The following CNTNAP5 variants were observed in gnomAD, a reference collection of about 807,000 sequenced individuals.
CNTNAP5 encodes contactin associated protein family member 5.
CNTNAP5 carries 72 observed loss-of-function variants against 150.2 expected under a neutral mutation model. The observed-to-expected ratio is 0.48, with a 90% CI of 0.40 to 0.58. CNTNAP5 has a LOEUF of 0.58. CNTNAP5 is among the 20% of genes least tolerant of loss of function. The pLI, the probability that CNTNAP5 is intolerant of heterozygous loss-of-function variation, is 0.00. For synonymous variants in CNTNAP5, 672 were observed against 619.8 expected (o/e 1.08, Z -1.25); for missense variants, 1,636 against 1,626.2 (o/e 1.01, Z -0.10).
chr2:124,693,152 G>A lies in CNTNAP5; in HGVS notation c.2077+45194G>A, dbSNP rs537618933. On this transcript the variant is annotated intron_variant, in intron 13 of 23. Transcript: ENST00000682447. ...TTGGCTTCACTATTTTTTTTTCCCC[G>A]TTTGGGCCTGGACCAAGTGCTTTAA... Among the ~76,000 whole-genome samples the A allele has an allele frequency of 3.2e-4, 48 of 151,868 alleles. 1 individual carries two copies. In the South Asian group the frequency reaches 9.1e-3, roughly 29 times the overall value.
Position 124,865,396 on chromosome 2 carries a change from A to C in CNTNAP5, c.3308A>C (p.His1103Pro). 1 of 1,553,060 alleles carries C rather than the reference A, an allele frequency of 6.4e-7. No homozygotes were observed. Residue 1103 changes from histidine to proline, a missense_variant, in exon 20 of 24, where the codon CAC becomes CCC. Coordinates refer to ENST00000682447, the MANE Select transcript of CNTNAP5 (RefSeq NM_001367498.1). ...AACTTTGCTAACAGAAGGATGCACC[A>C]CTTGAAGATTAACCGAGAGGGAAGA... ...ADNFANRRMH[H>P]LKINREGREL...
intron 17 of CNTNAP5, among the ~76,000 whole-genome samples, chr2:124,786,140 TGGTCCCAGCTACTCG>T (rs1681562250): frequency 6.6e-6 from 1 of 151,736 alleles, no homozygotes; most frequent in African/African-American, 2.4e-5. Context: ...TGTGTGCTTT[TGGTCCCAGCTACTCG>T]GTAGGCTGAG....
At chr2:124,099,614 T>C (rs1683018508) in intron 1 of CNTNAP5, among the ~76,000 whole-genome samples, 1 of 152,122 alleles carries the variant, frequency 6.6e-6, no homozygotes, top group Non-Finnish European at 1.5e-5. Flanking sequence ...CATAAAGAAA[T>C]ATCTGAAACT....
intron 1 of CNTNAP5, among the ~76,000 whole-genome samples, chr2:124,158,259 A>G (rs1684591449): frequency 6.6e-6 from 1 of 152,212 alleles, no homozygotes; most frequent in Non-Finnish European, 1.5e-5. Flanking sequence ...TGATGAGATA[A>G]TGTACAATGC....
intron 1 of CNTNAP5, among the ~76,000 whole-genome samples, chr2:124,104,131 A>G (rs996168615): frequency 1.3e-5 from 2 of 150,998 alleles, no homozygotes; most frequent in East Asian, 3.9e-4. Context: ...TCATTTCTCA[A>G]CTTTCCTATA....
chr2:124,370,379 A>G (rs1690494536), intron 3 of CNTNAP5, among the ~76,000 whole-genome samples: 1 of 152,090 alleles, frequency 6.6e-6, no homozygotes, highest in Non-Finnish European at 1.5e-5. Flanking sequence ...AAAGCCGGTC[A>G]TATACTTGGG....
At chr2:124,064,183 G>T (rs1682093684) in intron 1 of CNTNAP5, among the ~76,000 whole-genome samples, 1 of 152,016 alleles carries the variant, frequency 6.6e-6, no homozygotes, top group African/African-American at 2.4e-5. Context: ...AAATCCCCCT[G>T]TATTAAGTGC....
intron 1 of CNTNAP5, among the ~76,000 whole-genome samples, chr2:124,142,016 A>G (rs1684123861): frequency 1.4e-5 from 2 of 147,544 alleles, no homozygotes; most frequent in South Asian, 2.2e-4. Context: ...TAGACTTTAA[A>G]CCAACAAAGA....
At chr2:124,558,477 C>A (rs977541627) in intron 10 of CNTNAP5, among the ~76,000 whole-genome samples, 1 of 135,208 alleles carries the variant, frequency 7.4e-6, no homozygotes, top group South Asian at 2.5e-4. Context: ...CAGACAGCTG[C>A]GTAGAGGAGT....
chr2:124,315,775 G>GA (rs1360283301), intron 3 of CNTNAP5, among the ~76,000 whole-genome samples: 2 of 151,822 alleles, frequency 1.3e-5, no homozygotes. Context: ...TGCATAGCTT[G>GA]AAAAAAATCT....
chr2:124,685,792 T>G (rs1312572651), intron 13 of CNTNAP5, among the ~76,000 whole-genome samples: 1 of 151,696 alleles, frequency 6.6e-6, no homozygotes, highest in Non-Finnish European at 1.5e-5. Context: ...ATTCCTGTGA[T>G]AGCGAGGGAA....
chr2:124,046,963 T>G (rs912490903), intron 1 of CNTNAP5, among the ~76,000 whole-genome samples: 1 of 152,196 alleles, frequency 6.6e-6, no homozygotes, highest in Non-Finnish European at 1.5e-5. Flanking sequence ...AAGAAATTTC[T>G]TTGATACAGA....
intron 3 of CNTNAP5, among the ~76,000 whole-genome samples, chr2:124,395,968 C>T (rs549084857): frequency 4.5e-4 from 69 of 152,280 alleles, no homozygotes; most frequent in African/African-American, 1.3e-3. Flanking sequence ...ATCATCAACA[C>T]CTTGCTACAG....
At chr2:124,416,885 C>T (rs1434172050) in intron 3 of CNTNAP5, among the ~76,000 whole-genome samples, 1 of 151,468 alleles carries the variant, frequency 6.6e-6, no homozygotes, top group Non-Finnish European at 1.5e-5. Flanking sequence ...AGGTGTCATG[C>T]CTCAGGACTT....
At position 124,524,293 on chromosome 2, in the gene CNTNAP5, T is replaced by C. The variant is rs762010359; in HGVS notation, c.1328-10T>C. On this transcript the variant is annotated splice_polypyrimidine_tract_variant and intron_variant, in intron 8 of 23. Transcript: ENST00000682447. ...TCATCTCTATGCTTACTCTCTTGTTTCTCTTGCAGGCAGCAACTTGAATGA... is the reference window on the plus strand; with the variant it reads ...TCATCTCTATGCTTACTCTCTTGTTCCTCTTGCAGGCAGCAACTTGAATGA... The C allele has an allele frequency of 8.2e-5, 132 of 1,613,530 alleles. No individual in the cohort carries two copies. The highest frequency in any genetic ancestry group is 1.0e-4 in the Non-Finnish European group (119 of 1,179,730).
At chr2:124,450,157 A>T (rs1203869267) in intron 6 of CNTNAP5, among the ~76,000 whole-genome samples, 1 of 152,068 alleles carries the variant, frequency 6.6e-6, no homozygotes, top group Admixed American at 6.5e-5. Context: ...CACCAGCTAG[A>T]GGACAACAGT....
chr2:124,815,559 G>C (rs962507669), intron 19 of CNTNAP5, among the ~76,000 whole-genome samples: 1 of 152,178 alleles, frequency 6.6e-6, no homozygotes, highest in African/African-American at 2.4e-5. Flanking sequence ...TATTGCATCA[G>C]TCATGTCTTC....
intron 1 of CNTNAP5, among the ~76,000 whole-genome samples, chr2:124,194,706 C>T (rs921150882): frequency 5.3e-5 from 8 of 150,210 alleles, no homozygotes; most frequent in African/African-American, 1.9e-4. Context: ...AATCATATAA[C>T]ATAATATTTT....
intron 22 of CNTNAP5, among the ~76,000 whole-genome samples, chr2:124,908,075 GA>G (rs1240217754): frequency 2.0e-5 from 3 of 151,558 alleles, no homozygotes; most frequent in African/African-American, 4.8e-5. Flanking sequence ...GTCGGAGTAA[GA>G]AAAAAAAGCC....
Sources: allele counts gnomAD v4.1 joint callset (sites outside exome capture counted in the v4.1 genomes callset), GRCh38; gene constraint gnomAD v4.1.1; transcripts MANE v1.5; gene names NCBI Gene and HGNC (gene_info 2026-07-23, HGNC 2026-07-21).